DISC1: variants seen among roughly 807,000 people sequenced by gnomAD.
The protein encoded by DISC1 is disrupted in schizophrenia 1 protein.
DISC1 carries 57 observed loss-of-function variants against 84.5 expected under a neutral mutation model. The ratio of observed to expected loss-of-function variants is 0.67; its 90% CI spans 0.55 to 0.84. The LOEUF (loss-of-function observed/expected upper bound fraction) is 0.84. DISC1 is among the 40% of genes least tolerant of loss of function. The pLI is 0.00. For missense variants in DISC1, 1,000 were observed against 1,057.8 expected (o/e 0.95, Z 0.76); for synonymous variants, 411 against 415.2 (o/e 0.99, Z 0.12).
Position 231,826,339 on chromosome 1 carries a change from C to T in DISC1, c.1981+7822C>T, listed in dbSNP as rs1420137385. On this transcript the variant is annotated intron_variant, in intron 9 of 12. Transcript: ENST00000439617. The surrounding 1 kb of genome is among the most constrained non-coding windows in gnomAD (Gnocchi z 4.2). ...TCTATCCATCCCGCAACCTCATCAC[C>T]CTACCTAAATACCACACTCATAGAT... 6.6e-6 allele frequency among the ~76,000 whole-genome samples: 1 copy of T among 152,132 alleles called. No individual in the cohort carries two copies. Among genetic ancestry groups the T allele is most frequent in the South Asian group, 2.1e-4 (1 of 4,834 alleles).
chr1:231,655,809 G>A (rs1488105538), intron 1 of DISC1, among the ~76,000 whole-genome samples: 1 of 152,082 alleles, frequency 6.6e-6, no homozygotes, highest in Non-Finnish European at 1.5e-5. Flanking sequence ...GGGATAAGGT[G>A]GTTTCTCATT....
intron 3 of DISC1, among the ~76,000 whole-genome samples, chr1:231,725,883 C>G (rs952778941): frequency 2.0e-5 from 3 of 151,918 alleles, no homozygotes; most frequent in African/African-American, 7.3e-5. Context: ...TGAGATTGGT[C>G]CTACGAGTGC....
At chr1:232,019,301 C>T (rs1290891735) in intron 11 of DISC1, among the ~76,000 whole-genome samples, 1 of 151,876 alleles carries the variant, frequency 6.6e-6, no homozygotes, top group Non-Finnish European at 1.5e-5. Context: ...CATTCTGACC[C>T]ACAGGGAAAA....
chr1:231,965,270 T>C (rs1660929007), intron 10 of DISC1, among the ~76,000 whole-genome samples: 1 of 152,258 alleles, frequency 6.6e-6, no homozygotes, highest in Admixed American at 6.5e-5. Flanking sequence ...AGTTATAAGT[T>C]AGATGCATGT....
At chr1:231,836,828 C>T (rs1329254379) in intron 9 of DISC1, among the ~76,000 whole-genome samples, 2 of 152,196 alleles carry the variant, frequency 1.3e-5, no homozygotes, top group African/African-American at 4.8e-5. Context: ...CCCGCCCCTC[C>T]CCGTGTGATC....
At chr1:231,913,564 C>T (rs1012140803) in intron 9 of DISC1, among the ~76,000 whole-genome samples, 4 of 152,160 alleles carry the variant, frequency 2.6e-5, no homozygotes, top group Admixed American at 6.6e-5. Flanking sequence ...TGTGGAAATG[C>T]GGGACAGGCA....
chr1:231,897,258 G>A lies in DISC1; in HGVS notation c.1982-61570G>A, dbSNP rs770895410. On this transcript the variant is annotated intron_variant, in intron 9 of 12. Transcript: ENST00000439617. This position sits in a 1 kb window ranked among gnomAD's most constrained non-coding sequence, Gnocchi z 4.5. Reference sequence around the variant, plus strand: ...AACCTCGGTGAACTGACTTGGGTACGCTTCTGCCAGAATAAGAAGAGGTCT... The same window carrying A: ...AACCTCGGTGAACTGACTTGGGTACACTTCTGCCAGAATAAGAAGAGGTCT... 1.2e-4 allele frequency among the ~76,000 whole-genome samples: 18 copies of A among 152,210 alleles called. No homozygotes were observed. Among genetic ancestry groups the A allele is most frequent in the Non-Finnish European group, 1.9e-4 (13 of 68,036 alleles).
chr1:231,980,972 G>C (rs1343784559), intron 10 of DISC1, among the ~76,000 whole-genome samples: 1 of 152,140 alleles, frequency 6.6e-6, no homozygotes, highest in African/African-American at 2.4e-5. Flanking sequence ...TTTGAGATAG[G>C]GTCTTGCTCT....
intron 9 of DISC1, among the ~76,000 whole-genome samples, chr1:231,844,375 G>A (rs1240830197): frequency 6.6e-6 from 1 of 152,174 alleles, no homozygotes; most frequent in East Asian, 1.9e-4. Context: ...CATAGGACAA[G>A]GTATGGGGGT....
chr1:231,873,830 A>G (rs1330252498), intron 9 of DISC1, among the ~76,000 whole-genome samples: 3 of 138,824 alleles, frequency 2.2e-5, no homozygotes, highest in African/African-American at 8.2e-5. Flanking sequence ...CTATCATTGG[A>G]AGAGGGCATC....
chr1:231,789,930 TC>T (rs1242783799), intron 6 of DISC1, among the ~76,000 whole-genome samples: 5 of 152,128 alleles, frequency 3.3e-5, no homozygotes, highest in Non-Finnish European at 7.4e-5. Flanking sequence ...AAAATCATAA[TC>T]CGTAATCATT....
intron 9 of DISC1, chr1:231,866,751 ATTC>A (rs1422882441): frequency 3.8e-6 from 5 of 1,314,144 alleles, no homozygotes; most frequent in Non-Finnish European, 4.9e-6. Flanking sequence ...CTTTGTATGG[ATTC>A]TTCTTTCAAC....
chr1:231,653,467 T>C (rs2060806632), intron 1 of DISC1, among the ~76,000 whole-genome samples: 1 of 152,156 alleles, frequency 6.6e-6, no homozygotes, highest in Non-Finnish European at 1.5e-5. Flanking sequence ...GAGGTTTTAA[T>C]GGATCAGAAC....
intron 1 of DISC1, among the ~76,000 whole-genome samples, chr1:231,676,293 C>T (rs1456644194): frequency 6.6e-6 from 1 of 152,194 alleles, no homozygotes; most frequent in Non-Finnish European, 1.5e-5. Flanking sequence ...GAGGACAGGT[C>T]AAAGGAAAGA....
chr1:231,924,696 G>A (rs551426717), intron 9 of DISC1, among the ~76,000 whole-genome samples: 1 of 148,924 alleles, frequency 6.7e-6, no homozygotes, highest in East Asian at 2.0e-4. Flanking sequence ...TCACTCTGTC[G>A]CCCAGGCTGG....
chr1:231,820,216 A>G (rs1040877721), intron 9 of DISC1, among the ~76,000 whole-genome samples: 2 of 152,206 alleles, frequency 1.3e-5, no homozygotes, highest in African/African-American at 2.4e-5. Flanking sequence ...AACCAAATTA[A>G]TAATCTAGGG....
rs893400577 is a variant in DISC1, at chr1:231,896,986, A to C, written c.1982-61842A>C. Among the ~76,000 whole-genome samples, 11 of 152,320 alleles carry C rather than the reference A, an allele frequency of 7.2e-5. 1 individual carries two copies. Among genetic ancestry groups the C allele is most frequent in the African/African-American group, 2.6e-4 (11 of 41,560 alleles). On this transcript the variant is annotated intron_variant, in intron 9 of 12. Coordinates refer to ENST00000439617, the MANE Select transcript of DISC1 (RefSeq NM_018662.3). ...GAGCAATGGTTCCCACCCTTCTGGC[A>C]TCACTGACTGTTACGGGATCTAGAA...
intron 3 of DISC1, among the ~76,000 whole-genome samples, chr1:231,740,810 G>A (rs1182604028): frequency 6.6e-6 from 1 of 152,062 alleles, no homozygotes; most frequent in Non-Finnish European, 1.5e-5. Flanking sequence ...AAATAATTTT[G>A]CACATGAAAC....
intron 6 of DISC1, among the ~76,000 whole-genome samples, chr1:231,780,198 T>A (rs2125522590): frequency 7.3e-6 from 1 of 136,238 alleles, no homozygotes; most frequent in African/African-American, 2.8e-5. Context: ...GTAACTAACC[T>A]GCACAATGTG....
Sources: allele counts gnomAD v4.1 joint callset (sites outside exome capture counted in the v4.1 genomes callset), GRCh38; gene constraint gnomAD v4.1.1; non-coding constraint Gnocchi (gnomAD v3.1); transcripts MANE v1.5; gene names NCBI Gene and HGNC (gene_info 2026-07-23, HGNC 2026-07-21).